SYT1: variants seen among roughly 807,000 people sequenced by gnomAD.
SYT1 encodes synaptotagmin-1.
A neutral mutation model predicts 44.8 loss-of-function variants in SYT1; 8 were observed. That is an observed-to-expected ratio of 0.18 (90% confidence interval 0.10 to 0.32). The LOEUF is 0.32. Ranked by LOEUF, SYT1 falls within the 10% of genes least tolerant of loss-of-function variation. SYT1 has a pLI of 1.00. For synonymous variants in SYT1, 154 were observed against 188.8 expected, an observed-to-expected ratio of 0.82 and a Z score of 1.51; for missense variants, 286 against 509.3, an observed-to-expected ratio of 0.56 and a Z score of 4.22.
intron 2 of SYT1, among the ~76,000 whole-genome samples, chr12:79,043,842 C>A (rs1265036638): frequency 6.6e-6 from 1 of 152,154 alleles, no homozygotes; most frequent in African/African-American, 2.4e-5. Context: ...AATCTCTCAG[C>A]ATTTGCTTGT....
intron 8 of SYT1, among the ~76,000 whole-genome samples, chr12:79,331,644 A>C (rs1279500643): frequency 2.0e-5 from 3 of 152,196 alleles, no homozygotes; most frequent in African/African-American, 7.2e-5. Context: ...AATTTATTAG[A>C]CAATAGTTAC....
intron 9 of SYT1, among the ~76,000 whole-genome samples, chr12:79,390,222 C>A (rs139265216): frequency 1.3e-5 from 2 of 152,072 alleles, no homozygotes; most frequent in Non-Finnish European, 2.9e-5. Context: ...CGTGAACCAC[C>A]GCGCCCGGCC....
At chr12:79,367,231 G>A (rs1006747402) in intron 9 of SYT1, among the ~76,000 whole-genome samples, 1 of 152,102 alleles carries the variant, frequency 6.6e-6, no homozygotes, top group African/African-American at 2.4e-5. Context: ...GGGACAAAGA[G>A]GAAGAACAGA....
intron 9 of SYT1, among the ~76,000 whole-genome samples, chr12:79,380,621 C>G (rs975855009): frequency 6.6e-6 from 1 of 152,192 alleles, no homozygotes; most frequent in African/African-American, 2.4e-5. Flanking sequence ...CTCCTGGCCT[C>G]AAGCAATCCT....
At chr12:79,123,467 A>G (rs1263558142) in intron 3 of SYT1, among the ~76,000 whole-genome samples, 1 of 152,134 alleles carries the variant, frequency 6.6e-6, no homozygotes, top group Non-Finnish European at 1.5e-5. Flanking sequence ...TACTAACATC[A>G]TCTCCATTCT....
intron 2 of SYT1, among the ~76,000 whole-genome samples, chr12:79,037,987 A>G (rs542099726): frequency 2.0e-5 from 3 of 151,770 alleles, no homozygotes; most frequent in South Asian, 2.1e-4. Context: ...TAATATTTTT[A>G]AAGGATAGTT....
Position 79,296,193 on chromosome 12 carries a change from G to A in SYT1, c.599G>A (p.Arg200Gln), listed in dbSNP as rs1879865620. 6.2e-7 allele frequency: 1 copy of A among 1,613,674 alleles called. No homozygotes were observed. The highest frequency in any genetic ancestry group is 8.5e-7 in the Non-Finnish European group (1 of 1,179,888). ...KKKKFETKVH[R>Q]KTLNPVFNEQ... The stretch of plus-strand genomic sequence containing the variant: ...AAGAAATTTGAGACAAAAGTCCACC[G>A]AAAAACCCTTAATCCTGTCTTCAAT... The change falls in exon 7 of 11, where the codon CGA (arginine) becomes CAA (glutamine). Residue 200 changes from arginine to glutamine, a missense_variant. Physicochemically the swap from Arg to Gln is conservative, Grantham distance 43. This residue lies in a region of SYT1 where 81 missense variants were observed against 164.9 expected (regional missense o/e 0.49). Coordinates refer to ENST00000261205, the MANE Select transcript of SYT1 (RefSeq NM_005639.3).
intron 9 of SYT1, among the ~76,000 whole-genome samples, chr12:79,425,459 TA>T (rs1361832939): frequency 6.6e-6 from 1 of 152,144 alleles, no homozygotes; most frequent in Non-Finnish European, 1.5e-5. Flanking sequence ...TTAAGTCAAT[TA>T]ACTAATTTTG....
chr12:79,326,019 A>T (rs926480053), intron 8 of SYT1, among the ~76,000 whole-genome samples: 4 of 152,236 alleles, frequency 2.6e-5, no homozygotes, highest in African/African-American at 9.6e-5. Context: ...GATGGGGGGA[A>T]AATATACAAA....
intron 1 of SYT1, among the ~76,000 whole-genome samples, chr12:78,920,327 T>C (rs144596210): frequency 6.6e-6 from 1 of 152,120 alleles, no homozygotes; most frequent in African/African-American, 2.4e-5. Flanking sequence ...ATAATACCTG[T>C]GACTGGGTTG....
chr12:79,112,160 A>G (rs1280581817), intron 3 of SYT1, among the ~76,000 whole-genome samples: 1 of 152,084 alleles, frequency 6.6e-6, no homozygotes, highest in Non-Finnish European at 1.5e-5. Flanking sequence ...CTAGTACATG[A>G]GGAATTTAAA....
rs56012845 is a variant in SYT1, at chr12:79,449,013, G to A, written c.1158G>A (p.Ala386=). ...TTGTGGGCTACAACAGCACCGGCGC[G>A]GAGCTGCGACACTGGTCAGACATGC... The part of the protein sequence containing the change: ...KVFVGYNSTG[A]ELRHWSDMLA... Residue 386 remains alanine (A), a synonymous_variant, in exon 11 of 11, where the codon GCG becomes GCA. Transcript: ENST00000261205. 3.1e-3 allele frequency: 4,924 copies of A among 1,614,232 alleles called. 22 individuals are homozygous for A. The highest frequency in any genetic ancestry group is 0.019 in the Middle Eastern group (114 of 6,062).
chr12:79,415,104 ATTTG>A lies in SYT1; in HGVS notation c.929-28957_929-28954del, dbSNP rs200414901. Among the ~76,000 whole-genome samples the A allele has an allele frequency of 3.7e-3, 561 of 151,702 alleles. 23 individuals are homozygous for A. In the East Asian group the frequency reaches 0.076, roughly 21 times the overall value. On this transcript the variant is annotated intron_variant, in intron 9 of 10. Coordinates refer to ENST00000261205, the MANE Select transcript of SYT1 (RefSeq NM_005639.3). ...AGAATTATTTGCTTGCTTATTTACA[ATTTG>A]TTTGTTTGTTTAAATTATAAAAGTA...
chr12:79,285,718 G>A, intron 4 of SYT1, 69 bp from the exon 5 acceptor site: 1 of 1,185,642 alleles, frequency 8.4e-7, no homozygotes, highest in Non-Finnish European at 1.2e-6. Context: ...TATCTTTATA[G>A]CCCATGAGTT....
chr12:79,221,618 A>G (rs146489330), intron 4 of SYT1, among the ~76,000 whole-genome samples: 498 of 152,278 alleles, frequency 3.3e-3, no homozygotes, highest in African/African-American at 0.011. Flanking sequence ...AAAAACATCT[A>G]TAGTTATAAC....
intron 1 of SYT1, among the ~76,000 whole-genome samples, chr12:78,880,941 T>C (rs1874420598): frequency 6.6e-6 from 1 of 151,694 alleles, no homozygotes; most frequent in South Asian, 2.1e-4. Context: ...AATTTGTTTC[T>C]CTAATCTCAC....
At chr12:79,237,019 G>A (rs1213010602) in intron 4 of SYT1, among the ~76,000 whole-genome samples, 3 of 152,210 alleles carry the variant, frequency 2.0e-5, no homozygotes, top group African/African-American at 7.2e-5. Context: ...TGGCAGCAGT[G>A]TGTGGGTAGA....
chr12:78,933,961 T>G (rs1161853174), intron 1 of SYT1, among the ~76,000 whole-genome samples: 1 of 152,148 alleles, frequency 6.6e-6, no homozygotes, highest in Non-Finnish European at 1.5e-5. Flanking sequence ...TATAATGTTC[T>G]GTATTTAAGG....
At position 79,028,230 on chromosome 12, in the gene SYT1, C is replaced by T. The variant is rs574476424; in HGVS notation, c.-83-19067C>T. Among the ~76,000 whole-genome samples, 12 of 151,472 alleles carry T rather than the reference C, an allele frequency of 7.9e-5. No homozygotes were observed. In the South Asian group the frequency reaches 2.3e-3, roughly 29 times the overall value. On this transcript the variant is annotated intron_variant, in intron 2 of 10. Coordinates refer to ENST00000261205, the MANE Select transcript of SYT1 (RefSeq NM_005639.3). ...TGTCTGTCGAGTTATTTTTTGTGTTCTACTAACCCTGTCAGACCTTATCAG... is the reference window on the plus strand; with the variant it reads ...TGTCTGTCGAGTTATTTTTTGTGTTTTACTAACCCTGTCAGACCTTATCAG...
Sources: allele counts gnomAD v4.1 joint callset (sites outside exome capture counted in the v4.1 genomes callset), GRCh38; gene constraint gnomAD v4.1.1; regional missense constraint gnomAD v4.1.1; transcripts MANE v1.5; gene names NCBI Gene and HGNC (gene_info 2026-07-23, HGNC 2026-07-21).